Variants in CRYL1 observed in about 807,000 individuals in gnomAD.
CRYL1 encodes crystallin lambda 1.
CRYL1 carries 29 observed loss-of-function variants against 36.6 expected under a neutral mutation model. That is an observed-to-expected ratio of 0.79 (90% CI 0.59 to 1.08). The LOEUF (loss-of-function observed/expected upper bound fraction) is 1.08. Among genes scored for constraint, CRYL1 ranks in the 50% least tolerant of loss-of-function variants. CRYL1 has a pLI of 0.00. For synonymous variants in CRYL1, 152 were observed against 151.5 expected (o/e 1.00, Z -0.02); for missense variants, 411 against 407.9 (o/e 1.01, Z -0.06).
chr13:20,425,442 T>C lies in CRYL1; in HGVS notation c.633+6660A>G, dbSNP rs563163312. Among the ~76,000 whole-genome samples the C allele has an allele frequency of 1.3e-5, 2 of 152,292 alleles. No homozygotes were observed. The highest frequency in any genetic ancestry group is 4.8e-5 in the African/African-American group (2 of 41,552). The stretch of plus-strand genomic sequence containing the variant: ...CTGCTCACGTTGACAATGATATTAG[T>C]GAAACGGCAGAGCCTCACCGGACTG... On this transcript the variant is annotated intron_variant, in intron 5 of 7. Transcript: ENST00000298248. The surrounding 1 kb of genome is among the most constrained non-coding windows in gnomAD (Gnocchi z 4.4).
At chr13:20,497,817 C>A (rs2033639964) in intron 2 of CRYL1, among the ~76,000 whole-genome samples, 2 of 150,506 alleles carry the variant, frequency 1.3e-5, no homozygotes, top group Admixed American at 6.6e-5. Flanking sequence ...ATACATACTA[C>A]ACACACACCA....
At chr13:20,476,297 G>C (rs1022081394) in intron 3 of CRYL1, among the ~76,000 whole-genome samples, 3 of 150,780 alleles carry the variant, frequency 2.0e-5, no homozygotes, top group African/African-American at 7.3e-5. Flanking sequence ...AGAGGCTGCA[G>C]TGAGCCAAGA....
chr13:20,525,721 C>G lies in CRYL1; in HGVS notation c.41+33G>C. ...CACGTCCCCGGCGTCTCCCCGGGCTCCAGGGGCAGCAGCGCGGCTCGGAGC... is the reference window on the plus strand; with the variant it reads ...CACGTCCCCGGCGTCTCCCCGGGCTGCAGGGGCAGCAGCGCGGCTCGGAGC... On this transcript the variant is annotated intron_variant, in intron 1 of 7. Coordinates refer to ENST00000298248, the MANE Select transcript of CRYL1 (RefSeq NM_015974.3). This position sits in a 1 kb window ranked among gnomAD's most constrained non-coding sequence, Gnocchi z 4.3. 7.4e-7 allele frequency: 1 copy of G among 1,342,738 alleles called. No individual in the cohort carries two copies. Among genetic ancestry groups the G allele is most frequent in the Non-Finnish European group, 9.6e-7 (1 of 1,043,342 alleles). The allele number at this position is 1,342,738 out of a possible 1,614,324, so 83.2% of individuals were successfully genotyped here. A position where few individuals can be genotyped will look rare whatever the true frequency, so the allele number is the denominator to read the frequency against.
intron 1 of CRYL1, 76 bp from the exon 2 acceptor site, chr13:20,512,626 T>A: frequency 9.6e-7 from 1 of 1,041,502 alleles, no homozygotes; most frequent in African/African-American, 1.6e-5. Flanking sequence ...CAGAATGAGT[T>A]TTTTTTAAAT....
rs1379411821 is a variant in CRYL1, at chr13:20,525,043, G to T, written c.41+711C>A. Among the ~76,000 whole-genome samples, 1 of 139,212 alleles carries T rather than the reference G, an allele frequency of 7.2e-6. No homozygotes were observed. Among genetic ancestry groups the T allele is most frequent in the Non-Finnish European group, 1.6e-5 (1 of 64,102 alleles). 91.3% of individuals were successfully genotyped at this position (139,212 alleles called of 152,430 possible). The stretch of plus-strand genomic sequence containing the variant: ...AAATAGCAAGGATTGTAACCGTAGG[G>T]GTGGGGGGCGGGGTGGGGGAAGCAC... On this transcript the variant is annotated intron_variant, in intron 1 of 7. Coordinates refer to ENST00000298248, the MANE Select transcript of CRYL1 (RefSeq NM_015974.3). The surrounding 1 kb of genome is among the most constrained non-coding windows in gnomAD (Gnocchi z 4.3).
intron 1 of CRYL1, among the ~76,000 whole-genome samples, chr13:20,519,965 T>C (rs2034065897): frequency 6.6e-6 from 1 of 152,228 alleles, no homozygotes; most frequent in African/African-American, 2.4e-5. Flanking sequence ...CCATATCTTT[T>C]AGATACTATA....
At chr13:20,418,276 CCCTCAGGGA>C (rs1383156358) in intron 5 of CRYL1, 8 of 152,162 alleles carry the variant, frequency 5.3e-5, no homozygotes, top group Admixed American at 5.2e-4. Flanking sequence ...GGGACAGATA[CCCTCAGGGA>C]TCTTGGATCA....
rs1051309856 is a variant in CRYL1, at chr13:20,425,549, T to A, written c.633+6553A>T. ...TGAAATATGTGAGATGGCACCTTCC[T>A]GGGTATTCATGCAGAGGTGGAGAAC... On this transcript the variant is annotated intron_variant, in intron 5 of 7. Transcript: ENST00000298248. This position sits in a 1 kb window ranked among gnomAD's most constrained non-coding sequence, Gnocchi z 4.4. Among the ~76,000 whole-genome samples the A allele has an allele frequency of 1.3e-5, 2 of 152,170 alleles. No homozygotes were observed. Among genetic ancestry groups the A allele is most frequent in the African/African-American group, 4.8e-5 (2 of 41,440 alleles).
chr13:20,419,753 A>G (rs1052493354), intron 5 of CRYL1, among the ~76,000 whole-genome samples: 3 of 152,192 alleles, frequency 2.0e-5, no homozygotes, highest in African/African-American at 7.2e-5. Context: ...ATGATTCATG[A>G]GTCTCTCATG....
At chr13:20,489,276 C>T (rs2033460561) in intron 3 of CRYL1, 94 bp downstream of exon 3, 2 of 1,480,178 alleles carry the variant, frequency 1.4e-6, no homozygotes, top group Non-Finnish European at 1.8e-6. Flanking sequence ...ATGCCCACAC[C>T]TGCCACTGCT....
intron 5 of CRYL1, chr13:20,430,642 A>G (rs1224722500): frequency 1.0e-6 from 1 of 985,194 alleles, no homozygotes; most frequent in Non-Finnish European, 1.2e-6. Context: ...CTCCCACCCG[A>G]TCCCCTTACA....
chr13:20,416,303 C>A (rs993118511), intron 5 of CRYL1, among the ~76,000 whole-genome samples: 1 of 152,182 alleles, frequency 6.6e-6, no homozygotes, highest in African/African-American at 2.4e-5. Context: ...CTCCCAATAG[C>A]GAAGCTGTAA....
chr13:20,511,350 C>T (rs1019855962), intron 2 of CRYL1, among the ~76,000 whole-genome samples: 1 of 151,994 alleles, frequency 6.6e-6, no homozygotes, highest in Admixed American at 6.6e-5. Context: ...CCTCAGCCTC[C>T]CAAAGTGCTG....
intron 3 of CRYL1, among the ~76,000 whole-genome samples, chr13:20,480,669 T>C (rs536959787): frequency 6.6e-6 from 1 of 152,212 alleles, no homozygotes; most frequent in South Asian, 2.1e-4. Context: ...CACTGCCTCG[T>C]CCATCACTGC....
chr13:20,506,542 C>CA (rs1457996177), intron 2 of CRYL1, among the ~76,000 whole-genome samples: 1 of 150,220 alleles, frequency 6.7e-6, no homozygotes, highest in Admixed American at 6.6e-5. Context: ...AAAAAAAAAA[C>CA]AAAAAAACTT....
chr13:20,517,807 A>G (rs866199577), intron 1 of CRYL1, among the ~76,000 whole-genome samples: 4 of 145,478 alleles, frequency 2.7e-5, no homozygotes, highest in South Asian at 2.3e-4. Context: ...ATGGTGGCGG[A>G]TGCCTGTAGT....
chr13:20,506,794 C>CG (rs1196083732), intron 2 of CRYL1, among the ~76,000 whole-genome samples: 2 of 152,194 alleles, frequency 1.3e-5, no homozygotes, highest in South Asian at 2.1e-4. Context: ...GAGCAAACTA[C>CG]AGCCCACAGG....
At chr13:20,494,076 T>C (rs1404257012) in intron 2 of CRYL1, among the ~76,000 whole-genome samples, 1 of 152,252 alleles carries the variant, frequency 6.6e-6, no homozygotes, top group Non-Finnish European at 1.5e-5. Flanking sequence ...TTTTCAGTTT[T>C]TAACTATACG....
At chr13:20,495,506 A>C (rs1180999746) in intron 2 of CRYL1, among the ~76,000 whole-genome samples, 1 of 152,222 alleles carries the variant, frequency 6.6e-6, no homozygotes, top group Non-Finnish European at 1.5e-5. Flanking sequence ...TTTAAAAAAG[A>C]CTGAAGAAAT....
Sources: gnomAD v4.1 joint callset for allele counts (sites outside exome capture counted in the v4.1 genomes callset) on GRCh38, gnomAD v4.1.1 for gene constraint, Gnocchi (gnomAD v3.1) non-coding constraint, MANE v1.5 for transcripts, NCBI Gene and HGNC (gene_info 2026-07-23, HGNC 2026-07-21) for gene names.